Variants in TEX14 observed in about 807,000 individuals in gnomAD.
TEX14 encodes testis expressed 14, intercellular bridge forming factor.
Under a neutral mutation model 178.6 loss-of-function variants are expected in TEX14, and 168 were observed. The observed-to-expected ratio is 0.94, with a 90% CI of 0.83 to 1.07. The LOEUF (loss-of-function observed/expected upper bound fraction) is 1.07, where lower values mean the gene tolerates loss of function less well. TEX14 is among the 50% of genes least tolerant of loss of function. The pLI is 0.00. For missense variants in TEX14, 1,730 were observed against 1,753.6 expected (o/e 0.99, Z 0.24); for synonymous variants, 626 against 634.1 (o/e 0.99, Z 0.19).
intron 2 of TEX14, among the ~76,000 whole-genome samples, chr17:58,651,263 G>A (rs2046834724): frequency 6.6e-6 from 1 of 152,136 alleles, no homozygotes; most frequent in Non-Finnish European, 1.5e-5. Flanking sequence ...GCAACAGAGT[G>A]AGACTCTGTC....
intron 2 of TEX14, among the ~76,000 whole-genome samples, chr17:58,646,191 C>A (rs2046703434): frequency 6.6e-6 from 1 of 152,012 alleles, no homozygotes; most frequent in South Asian, 2.1e-4. Flanking sequence ...AAAAGCCAAT[C>A]GCTATTATAA....
chr17:58,661,709 A>G, intron 1 of TEX14: 1 of 581,128 alleles, frequency 1.7e-6, no homozygotes, highest in Non-Finnish European at 3.0e-6. Context: ...ACGGCAGGGC[A>G]GTCAGGGAGG....
At chr17:58,586,105 T>G in intron 17 of TEX14, 23 bp from the exon 18 acceptor site, 1 of 1,595,798 alleles carries the variant, frequency 6.3e-7, no homozygotes, top group Non-Finnish European at 8.6e-7. Context: ...GAAAGCAGCA[T>G]TTAAAACATC....
intron 2 of TEX14, among the ~76,000 whole-genome samples, chr17:58,644,025 T>C (rs1462982103): frequency 1.3e-5 from 2 of 149,986 alleles, no homozygotes; most frequent in African/African-American, 4.9e-5. Context: ...CTGTGTTACA[T>C]GACGGAGGTA....
At chr17:58,659,255 G>C (rs968079179) in intron 1 of TEX14, 98 of 758,728 alleles carry the variant, frequency 1.3e-4, no homozygotes, top group Non-Finnish European at 1.5e-4. Flanking sequence ...CCTCCCCCAA[G>C]AAAAACACTT....
At chr17:58,563,447 C>A (rs1284854907) in intron 28 of TEX14, among the ~76,000 whole-genome samples, 1 of 150,962 alleles carries the variant, frequency 6.6e-6, no homozygotes, top group African/African-American at 2.4e-5. Context: ...CAAACAAAAC[C>A]CTAAAAACAA....
chr17:58,678,951 C>T (rs1175478697), intron 1 of TEX14, among the ~76,000 whole-genome samples: 5 of 151,624 alleles, frequency 3.3e-5, no homozygotes, highest in South Asian at 2.1e-4. Flanking sequence ...GTTAGGAGTG[C>T]GAGACCAGCC....
chr17:58,567,269 T>C (rs76604499), intron 26 of TEX14, among the ~76,000 whole-genome samples: 2 of 152,106 alleles, frequency 1.3e-5, no homozygotes, highest in South Asian at 4.1e-4. Context: ...ATCCTCAAAG[T>C]GCTCTGCAAA....
intron 19 of TEX14, among the ~76,000 whole-genome samples, chr17:58,582,137 G>A (rs950220102): frequency 6.6e-6 from 1 of 152,066 alleles, no homozygotes; most frequent in East Asian, 1.9e-4. Context: ...AGGAGGCTGC[G>A]GCTACTCAGA....
At chr17:58,668,978 G>C (rs2047258648) in intron 1 of TEX14, among the ~76,000 whole-genome samples, 1 of 152,176 alleles carries the variant, frequency 6.6e-6, no homozygotes, top group Non-Finnish European at 1.5e-5. Context: ...ACTGTTCTAG[G>C]TAGGCATAAA....
chr17:58,671,417 G>C (rs1417606638), intron 1 of TEX14, among the ~76,000 whole-genome samples: 1 of 152,122 alleles, frequency 6.6e-6, no homozygotes, highest in Non-Finnish European at 1.5e-5. Flanking sequence ...CCCATTCTCA[G>C]GCTGAGGCTG....
chr17:58,653,082 G>A (rs985523097), intron 1 of TEX14, among the ~76,000 whole-genome samples: 7 of 152,136 alleles, frequency 4.6e-5, no homozygotes, highest in South Asian at 2.1e-4. Context: ...GACTACAGGC[G>A]CACACCACCA....
intron 19 of TEX14, chr17:58,581,740 A>C (rs939116920): frequency 6.2e-7 from 1 of 1,606,312 alleles, no homozygotes; most frequent in Non-Finnish European, 8.5e-7. Flanking sequence ...GCTATTAATA[A>C]TGTAGGAAAT....
intron 2 of TEX14, among the ~76,000 whole-genome samples, chr17:58,633,967 CGA>C (rs2046378680): frequency 8.4e-6 from 1 of 119,474 alleles, no homozygotes; most frequent in African/African-American, 3.0e-5. Context: ...ACTCTGTCTC[CGA>C]AAAAAAAAAA....
intron 1 of TEX14, among the ~76,000 whole-genome samples, chr17:58,654,010 T>C (rs7218960): frequency 1 from 152,085 of 152,086 alleles, 76,042 homozygotes; most frequent in Non-Finnish European, 1. Flanking sequence ...AACCCCATCT[T>C]TACTAAAAAT....
At chr17:58,596,656 G>T (rs907627791) in intron 14 of TEX14, among the ~76,000 whole-genome samples, 4 of 151,970 alleles carry the variant, frequency 2.6e-5, no homozygotes, top group Admixed American at 6.6e-5. Flanking sequence ...GGCCAAGGCG[G>T]GTGGATTGCT....
intron 2 of TEX14, among the ~76,000 whole-genome samples, chr17:58,648,797 T>C (rs1598416893): frequency 7.0e-6 from 1 of 143,502 alleles, no homozygotes; most frequent in Non-Finnish European, 1.5e-5. Context: ...TTTTTTTTTT[T>C]TTTTTTTTTT....
At position 58,585,911 on chromosome 17, in the gene TEX14, TACTCAATA is replaced by T; in HGVS notation, c.2952_2959del (p.Ile985SerfsTer2). 8.7e-6 allele frequency: 14 copies of T among 1,614,046 alleles called. No homozygotes were observed. The highest frequency in any genetic ancestry group is 1.2e-5 in the Non-Finnish European group (14 of 1,179,998). ...TCTGGGCTCATCATTTTCCCTATGA[TACTCAATA>T]ACTCGCTGCCAATCCGTGTTTTCTG... is the stretch of plus-strand genomic sequence containing the variant. On this transcript the variant is annotated frameshift_variant, in exon 18 of 32. Transcript: ENST00000349033. LOFTEE classifies it high-confidence loss of function.
At chr17:58,581,069 T>C (rs1052205286) in intron 19 of TEX14, among the ~76,000 whole-genome samples, 2 of 152,152 alleles carry the variant, frequency 1.3e-5, no homozygotes, top group African/African-American at 4.8e-5. Context: ...TCCCAGCATT[T>C]TGGGAGGCCG....
Sources: allele counts gnomAD v4.1 joint callset (sites outside exome capture counted in the v4.1 genomes callset), GRCh38; gene constraint gnomAD v4.1.1; transcripts MANE v1.5; gene names NCBI Gene and HGNC (gene_info 2026-07-23, HGNC 2026-07-21).